Variants in CATSPERE observed in about 807,000 individuals in gnomAD.
The protein encoded by CATSPERE is catsper channel auxiliary subunit epsilon.
CATSPERE carries 93 observed loss-of-function variants against 114.1 expected under a neutral mutation model. The observed-to-expected ratio is 0.81, with a 90% CI of 0.69 to 0.97. The LOEUF (loss-of-function observed/expected upper bound fraction) is 0.97. Ranked by LOEUF, CATSPERE falls within the 50% of genes least tolerant of loss-of-function variation. CATSPERE has a pLI of 0.00. For synonymous variants in CATSPERE, 341 were observed against 384.1 expected (o/e 0.89, Z 1.31); for missense variants, 1,058 against 1,131.6 (o/e 0.93, Z 0.93).
intron 19 of CATSPERE, among the ~76,000 whole-genome samples, chr1:244,614,821 T>C (rs1671172362): frequency 6.6e-6 from 1 of 152,208 alleles, no homozygotes; most frequent in African/African-American, 2.4e-5. Context: ...TTAATTTTTT[T>C]ATTTTCATTT....
At chr1:244,610,949 C>T (rs112854724) in intron 19 of CATSPERE, among the ~76,000 whole-genome samples, 188 of 152,086 alleles carry the variant, frequency 1.2e-3, no homozygotes, top group African/African-American at 4.1e-3. Context: ...TTAGTAGAGA[C>T]GGCATTTCAC....
At chr1:244,525,442 A>T (rs112328799) in intron 8 of CATSPERE, among the ~76,000 whole-genome samples, 7,880 of 151,812 alleles carry the variant, frequency 0.052, 229 homozygotes, top group Non-Finnish European at 0.063. Context: ...ATACATATGT[A>T]ACTAACCTGC....
intron 9 of CATSPERE, among the ~76,000 whole-genome samples, chr1:244,557,005 C>T (rs1661688487): frequency 6.6e-6 from 1 of 152,168 alleles, no homozygotes; most frequent in Non-Finnish European, 1.5e-5. Context: ...GTGTTCTTTG[C>T]ATTATTAAGA....
chr1:244,499,295 CA>C (rs571072462), intron 7 of CATSPERE, among the ~76,000 whole-genome samples: 13 of 152,188 alleles, frequency 8.5e-5, no homozygotes, highest in African/African-American at 3.1e-4. Flanking sequence ...TCTAATTGAA[CA>C]TTCTTCATAT....
chr1:244,471,864 T>C (rs140892112), intron 2 of CATSPERE, among the ~76,000 whole-genome samples: 1 of 152,346 alleles, frequency 6.6e-6, no homozygotes, highest in Non-Finnish European at 1.5e-5. Context: ...TGGGGACATA[T>C]ATTTTTATTT....
intron 7 of CATSPERE, among the ~76,000 whole-genome samples, chr1:244,505,774 A>C (rs889881852): frequency 6.6e-6 from 1 of 152,148 alleles, no homozygotes; most frequent in Admixed American, 6.5e-5. Context: ...TGGGAGGCCG[A>C]GGTGGGTGGA....
At chr1:244,479,217 C>T (rs1400572306) in intron 4 of CATSPERE, among the ~76,000 whole-genome samples, 2 of 151,774 alleles carry the variant, frequency 1.3e-5, no homozygotes, top group African/African-American at 4.8e-5. Flanking sequence ...CCTCAGCCTC[C>T]GAAGTAGCTG....
At chr1:244,453,700 C>G (rs7518280), upstream of CATSPERE, among the ~76,000 whole-genome samples, 1 of 152,152 alleles carries the variant, frequency 6.6e-6, no homozygotes, top group Non-Finnish European at 1.5e-5. Context: ...GAAATAGCCC[C>G]GGGGAGACGT....
At chr1:244,462,909 A>C (rs1667035109) in intron 1 of CATSPERE, among the ~76,000 whole-genome samples, 1 of 152,200 alleles carries the variant, frequency 6.6e-6, no homozygotes, top group African/African-American at 2.4e-5. Flanking sequence ...AGTTGCAATT[A>C]GGTATGCAAT....
At chr1:244,505,057 A>G (rs1460297069) in intron 7 of CATSPERE, among the ~76,000 whole-genome samples, 1 of 152,188 alleles carries the variant, frequency 6.6e-6, no homozygotes, top group Non-Finnish European at 1.5e-5. Flanking sequence ...GTTTTGGGTT[A>G]CAATCCAATA....
chr1:244,635,309 CTG>C (rs1225371126), intron 20 of CATSPERE, among the ~76,000 whole-genome samples, 178 bp from the exon 21 acceptor site: 1 of 152,134 alleles, frequency 6.6e-6, no homozygotes, highest in Non-Finnish European at 1.5e-5. Flanking sequence ...GAAGCCTGAG[CTG>C]TACATATGGA....
intron 12 of CATSPERE, among the ~76,000 whole-genome samples, chr1:244,583,428 C>G (rs986827903): frequency 6.6e-6 from 1 of 152,130 alleles, no homozygotes. Context: ...TTACAACTCA[C>G]TCTTTATTGT....
chr1:244,556,717 A>G (rs1661632043), intron 9 of CATSPERE, among the ~76,000 whole-genome samples: 1 of 152,178 alleles, frequency 6.6e-6, no homozygotes, highest in South Asian at 2.1e-4. Flanking sequence ...GTTAATTTTA[A>G]TAACTAGTAC....
At chr1:244,604,384 A>C (rs1039384579) in intron 17 of CATSPERE, among the ~76,000 whole-genome samples, 1 of 152,260 alleles carries the variant, frequency 6.6e-6, no homozygotes, top group Non-Finnish European at 1.5e-5. Flanking sequence ...TTTTGTCCCC[A>C]GTTTGTGAGA....
At chr1:244,552,187 A>T (rs545325086) in intron 8 of CATSPERE, 135 bp from the exon 9 acceptor site, 1 of 1,088,906 alleles carries the variant, frequency 9.2e-7, no homozygotes, top group East Asian at 2.9e-5. Context: ...CAGTGGTTGC[A>T]TTTTAATATT....
chr1:244,519,573 C>T (rs888944972), intron 8 of CATSPERE, among the ~76,000 whole-genome samples: 1 of 152,078 alleles, frequency 6.6e-6, no homozygotes, highest in African/African-American at 2.4e-5. Context: ...ATTGGTGTGT[C>T]TGCGTGGTCT....
upstream of CATSPERE, among the ~76,000 whole-genome samples, chr1:244,457,780 A>G (rs1666291263): frequency 6.6e-6 from 1 of 152,220 alleles, no homozygotes; most frequent in African/African-American, 2.4e-5. Context: ...AGTCCTCTAA[A>G]GTCCAAAAAT....
chr1:244,632,325 C>T (rs1267624797), intron 20 of CATSPERE, among the ~76,000 whole-genome samples: 7 of 131,646 alleles, frequency 5.3e-5, no homozygotes, highest in African/African-American at 1.7e-4. Context: ...ACCTGGGAGG[C>T]GGAGGTTGCA....
intron 7 of CATSPERE, among the ~76,000 whole-genome samples, chr1:244,517,640 G>T (rs960716161): frequency 2.6e-5 from 4 of 151,744 alleles, no homozygotes; most frequent in South Asian, 2.1e-4. Context: ...GGGCATGATG[G>T]TGCATGCCTA....
Sources: gnomAD v4.1 joint callset for allele counts (sites outside exome capture counted in the v4.1 genomes callset) on GRCh38, gnomAD v4.1.1 for gene constraint, MANE v1.5 for transcripts, NCBI Gene and HGNC (gene_info 2026-07-23, HGNC 2026-07-21) for gene names.